Variants in AKR1D1 observed in about 807,000 individuals in gnomAD.
The protein encoded by AKR1D1 is delta(4)-3-ketosteroid 5-beta-reductase.
In AKR1D1, 32 loss-of-function variants were observed where a neutral mutation model predicts 42.6. That is an observed-to-expected ratio of 0.75 (90% CI 0.57 to 1.01). AKR1D1 has a LOEUF of 1.01. AKR1D1 is among the 50% of genes least tolerant of loss of function. The pLI, the probability that AKR1D1 is intolerant of heterozygous loss-of-function variation, is 0.00. For synonymous variants in AKR1D1, 123 were observed against 135.5 expected (o/e 0.91, Z 0.64); for missense variants, 364 against 402.2 (o/e 0.91, Z 0.81).
intron 7 of AKR1D1, among the ~76,000 whole-genome samples, chr7:138,109,117 T>C (rs1023461565): frequency 3.3e-5 from 5 of 152,212 alleles, no homozygotes; most frequent in African/African-American, 1.2e-4. Context: ...TATGACATAT[T>C]TGTACACTGA....
intron 3 of AKR1D1, among the ~76,000 whole-genome samples, chr7:138,092,998 C>T (rs1794112488): frequency 6.6e-6 from 1 of 151,794 alleles, no homozygotes; most frequent in African/African-American, 2.4e-5. Flanking sequence ...CTGTTTTCAG[C>T]TTATAAATGT....
intron 4 of AKR1D1, 98 bp from the exon 5 acceptor site, chr7:138,105,209 G>A: frequency 6.4e-7 from 1 of 1,551,516 alleles, no homozygotes; most frequent in South Asian, 1.1e-5. Flanking sequence ...ACATACCCAG[G>A]AACTTTCCTT....
rs780692011 is a variant in AKR1D1 at position 138,076,581 on chromosome 7, C to G, written c.63C>G (p.Ile21Met). 6.2e-7 allele frequency: 1 copy of G among 1,613,308 alleles called. No homozygotes were observed. The highest frequency in any genetic ancestry group is 8.5e-7 in the Non-Finnish European group (1 of 1,179,644). Residue 21 changes from isoleucine (I) to methionine (M), a missense_variant, in exon 1 of 9, where the codon ATC becomes ATG. By Grantham distance (10) the Ile-to-Met change is conservative. Transcript: ENST00000242375. ...PLSDGNSIPIIGLGTYSEPKS... is the reference protein window; with the variant it reads ...PLSDGNSIPIMGLGTYSEPKS... The stretch of plus-strand genomic sequence containing the variant: ...GTGATGGAAACAGCATTCCCATCAT[C>G]GGACTTGGTACCTACTCAGAACCTA...
intron 4 of AKR1D1, among the ~76,000 whole-genome samples, chr7:138,099,118 G>A (rs1248241423): frequency 2.0e-5 from 3 of 152,288 alleles, no homozygotes; most frequent in African/African-American, 4.8e-5. Flanking sequence ...GGTCTGAGCT[G>A]TGGAGTTGTT....
Position 138,105,298 on chromosome 7 carries a change from A to G in AKR1D1, c.457-9A>G. ...CTTGTTTGTTGACCTGTGGACATTTACTCTACAGGCGATGGAAGCTTGCAA... is the reference window on the plus strand; with the variant it reads ...CTTGTTTGTTGACCTGTGGACATTTGCTCTACAGGCGATGGAAGCTTGCAA... On this transcript the variant is annotated splice_polypyrimidine_tract_variant and intron_variant, in intron 4 of 8. Transcript: ENST00000242375. The G allele has an allele frequency of 1.2e-6, 2 of 1,614,042 alleles. No individual in the cohort carries two copies. Among genetic ancestry groups the G allele is most frequent in the South Asian group, 2.2e-5 (2 of 91,074 alleles).
intron 3 of AKR1D1, among the ~76,000 whole-genome samples, chr7:138,097,041 A>G (rs1794198064): frequency 6.6e-6 from 1 of 152,132 alleles, no homozygotes; most frequent in African/African-American, 2.4e-5. Context: ...CCTAGCCCCA[A>G]CCTCAAGAAA....
intron 1 of AKR1D1, among the ~76,000 whole-genome samples, chr7:138,087,459 C>A (rs886761754): frequency 1.3e-5 from 2 of 152,168 alleles, no homozygotes; most frequent in Admixed American, 1.3e-4. Context: ...ATGAACAAAC[C>A]TGTAGCTACC....
At chr7:138,088,174 A>G (rs1793976693) in intron 1 of AKR1D1, among the ~76,000 whole-genome samples, 1 of 152,158 alleles carries the variant, frequency 6.6e-6, no homozygotes, top group East Asian at 1.9e-4. Flanking sequence ...TACAGGTGTG[A>G]GCCACCACAC....
At chr7:138,106,852 C>G (rs1794444765) in intron 6 of AKR1D1, 135 bp downstream of exon 6, 1 of 729,104 alleles carries the variant, frequency 1.4e-6, no homozygotes. Flanking sequence ...TGAATTAGAA[C>G]TTTTCATACT....
At chr7:138,099,292 G>GA (rs1340201704) in intron 4 of AKR1D1, among the ~76,000 whole-genome samples, 2 of 151,960 alleles carry the variant, frequency 1.3e-5, no homozygotes, top group Admixed American at 6.6e-5. Context: ...GTATCCCCAG[G>GA]AAAAAATGAT....
intron 7 of AKR1D1, among the ~76,000 whole-genome samples, chr7:138,110,324 C>A (rs1182933925): frequency 2.6e-5 from 4 of 152,088 alleles, no homozygotes; most frequent in African/African-American, 9.7e-5. Context: ...TAAGACTGGG[C>A]ACAGTGGTTC....
chr7:138,082,048 C>T (rs1803070338), intron 1 of AKR1D1, among the ~76,000 whole-genome samples: 1 of 152,176 alleles, frequency 6.6e-6, no homozygotes, highest in Non-Finnish European at 1.5e-5. Context: ...GCCTGGAGCA[C>T]GTGTTCCAAG....
chr7:138,100,706 T>TTA (rs1359685564), intron 4 of AKR1D1, among the ~76,000 whole-genome samples: 1 of 137,566 alleles, frequency 7.3e-6, no homozygotes, highest in African/African-American at 2.8e-5. Context: ...ATTCTTTTTT[T>TTA]TTTTTTTTTT....
intron 1 of AKR1D1, among the ~76,000 whole-genome samples, chr7:138,084,241 A>G (rs1008815952): frequency 1.3e-4 from 19 of 147,700 alleles, no homozygotes; most frequent in Admixed American, 4.7e-4. Flanking sequence ...AATCTTTTCA[A>G]AAGTTTTAAT....
chr7:138,110,276 G>C (rs748962935), intron 7 of AKR1D1, among the ~76,000 whole-genome samples: 16 of 149,290 alleles, frequency 1.1e-4, no homozygotes, highest in Non-Finnish European at 8.8e-5. Context: ...GATGAAAAAA[G>C]AAAAGCAAAA....
intron 1 of AKR1D1, among the ~76,000 whole-genome samples, chr7:138,077,028 A>G (rs1802952674): frequency 6.6e-6 from 1 of 152,158 alleles, no homozygotes; most frequent in African/African-American, 2.4e-5. Context: ...ATATATGAGG[A>G]AAACAATGTC....
intron 1 of AKR1D1, among the ~76,000 whole-genome samples, chr7:138,085,836 T>C (rs1361658218): frequency 6.6e-6 from 1 of 152,106 alleles, no homozygotes. Flanking sequence ...TACGCATTTG[T>C]CTGGGGCTCC....
At chr7:138,107,899 G>A (rs1280303125) in intron 7 of AKR1D1, among the ~76,000 whole-genome samples, 2 of 151,594 alleles carry the variant, frequency 1.3e-5, no homozygotes, top group African/African-American at 4.9e-5. Flanking sequence ...GCCCAGGCTA[G>A]TCTGGAACTC....
intron 1 of AKR1D1, among the ~76,000 whole-genome samples, chr7:138,083,068 T>C (rs1325425535): frequency 6.6e-6 from 1 of 152,224 alleles, no homozygotes; most frequent in Non-Finnish European, 1.5e-5. Context: ...TTTAATTGTT[T>C]TTCTTGACCA....
Sources: gnomAD v4.1 joint callset for allele counts (sites outside exome capture counted in the v4.1 genomes callset) on GRCh38, gnomAD v4.1.1 for gene constraint, MANE v1.5 for transcripts, NCBI Gene and HGNC (gene_info 2026-07-23, HGNC 2026-07-21) for gene names.